PIK3R1: variants seen among roughly 807,000 people sequenced by gnomAD.
PIK3R1 encodes the protein phosphoinositide-3-kinase regulatory subunit 1.
Under a neutral mutation model 98.0 loss-of-function variants are expected in PIK3R1, and 29 were observed. The observed-to-expected ratio is 0.30, with a 90% CI of 0.22 to 0.40. The LOEUF is 0.40. Ranked by LOEUF, PIK3R1 falls within the 10% of genes least tolerant of loss-of-function variation. The probability of loss-of-function intolerance (pLI) is 1.00; values close to 1 mark genes in which losing one functional copy is unlikely to be tolerated. For missense variants in PIK3R1, 596 were observed against 872.7 expected (o/e 0.68, Z 3.99); for synonymous variants, 282 against 311.8 (o/e 0.90, Z 1.01).
chr5:68,281,244 G>C (rs1478045613), intron 7 of PIK3R1, among the ~76,000 whole-genome samples: 1 of 152,188 alleles, frequency 6.6e-6, no homozygotes, highest in African/African-American at 2.4e-5. Context: ...AGAGTTTGGA[G>C]AGTTCCCTGT....
chr5:68,251,263 C>T (rs1745295201), intron 2 of PIK3R1, among the ~76,000 whole-genome samples: 1 of 151,964 alleles, frequency 6.6e-6, no homozygotes, highest in Non-Finnish European at 1.5e-5. Flanking sequence ...TTAATAATGT[C>T]TGGTGGAAAC....
rs190335487 is a variant in PIK3R1, at chr5:68,278,988, G to A, written c.503-614G>A. Among the ~76,000 whole-genome samples, 649 of 152,034 alleles carry A rather than the reference G, an allele frequency of 4.3e-3. 7 individuals carry two copies. The highest frequency in any genetic ancestry group is 0.015 in the African/African-American group (608 of 41,358). On this transcript the variant is annotated intron_variant, in intron 4 of 15. Transcript: ENST00000521381. ...TCGTGGTTCTGGAGGCTAGAAGTCC[G>A]AGAAAAAAGCATGTTTGGTTTCCCC... is the stretch of plus-strand genomic sequence containing the variant.
intron 7 of PIK3R1, among the ~76,000 whole-genome samples, chr5:68,290,281 T>A (rs916234649): frequency 1.3e-5 from 2 of 152,202 alleles, no homozygotes; most frequent in Non-Finnish European, 2.9e-5. Context: ...TGTAAGATTT[T>A]TAAACCAAGG....
intron 2 of PIK3R1, among the ~76,000 whole-genome samples, chr5:68,266,089 C>T (rs1746112098): frequency 6.6e-6 from 1 of 152,142 alleles, no homozygotes; most frequent in Non-Finnish European, 1.5e-5. Context: ...GAGGTCCCAG[C>T]CTGGATCCAA....
At chr5:68,290,747 A>G in intron 7 of PIK3R1, 1 of 1,613,244 alleles carries the variant, frequency 6.2e-7, no homozygotes. Context: ...TACTGTTTGG[A>G]ATATGGAAGA....
rs1481771249 is a variant in PIK3R1 at position 68,279,709 on chromosome 5, A to G, written c.610A>G (p.Ser204Gly). Residue 204 changes from serine to glycine, a missense_variant, in exon 5 of 16, where the codon AGT (serine) becomes GGT (glycine). By Grantham distance (56) the Ser-to-Gly change is moderately conservative. Transcript: ENST00000521381. ...PNPVIPAAVYSEMISLAPEVQ... is the reference protein window; with the variant it reads ...PNPVIPAAVYGEMISLAPEVQ... ...TCCTGTCATTCCAGCAGCCGTTTAC[A>G]GTGAAATGATTTCTTTAGCTCCAGG... 6 of 1,614,062 alleles carry G rather than the reference A, an allele frequency of 3.7e-6. No homozygotes were observed. The highest frequency in any genetic ancestry group is 1.3e-5 in the African/African-American group (1 of 74,942).
At position 68,244,285 on chromosome 5, in the gene PIK3R1, T is replaced by C. The variant is rs540976644; in HGVS notation, c.334+17276T>C. Among the ~76,000 whole-genome samples, 7 of 152,264 alleles carry C rather than the reference T, an allele frequency of 4.6e-5. No individual in the cohort carries two copies. In the East Asian group the frequency reaches 1.2e-3, roughly 25 times the overall value. ...TTGAGTGACAGAAAATTCCTTTTATTTTTTTCCCCAGTGGGATTTAGCAAA... is the reference window on the plus strand; with the variant it reads ...TTGAGTGACAGAAAATTCCTTTTATCTTTTTCCCCAGTGGGATTTAGCAAA... On this transcript the variant is annotated intron_variant, in intron 2 of 15. Transcript: ENST00000521381.
chr5:68,243,247 T>C (rs1744937380), intron 2 of PIK3R1, among the ~76,000 whole-genome samples: 1 of 152,248 alleles, frequency 6.6e-6, no homozygotes, highest in Admixed American at 6.5e-5. Flanking sequence ...TTTTTGAACA[T>C]GTAAAATCTA....
intron 2 of PIK3R1, among the ~76,000 whole-genome samples, chr5:68,236,492 G>A (rs1005147970): frequency 6.7e-6 from 1 of 149,874 alleles, no homozygotes; most frequent in Non-Finnish European, 1.5e-5. Flanking sequence ...CTTGTGATCC[G>A]CCCACCTCGG....
At position 68,291,159 on chromosome 5, in the gene PIK3R1, C is replaced by T. The variant is rs1372739655; in HGVS notation, c.917-1100C>T. ...TATTGTCCCTGTAATTAAAATGATG[C>T]ATCTTTTGTGCTGCTTTTCTCTGTT... On this transcript the variant is annotated intron_variant, in intron 7 of 15. Transcript: ENST00000521381. 1.7e-5 allele frequency: 4 copies of T among 234,910 alleles called. 1 individual carries two copies. Among genetic ancestry groups the T allele is most frequent in the Non-Finnish European group, 3.3e-5 (4 of 120,878 alleles). The allele number at this position is 234,910 out of a possible 1,614,324, so 14.6% of individuals were successfully genotyped here.
intron 2 of PIK3R1, among the ~76,000 whole-genome samples, chr5:68,239,149 G>T (rs999966575): frequency 2.0e-5 from 3 of 152,140 alleles, no homozygotes; most frequent in Non-Finnish European, 4.4e-5. Flanking sequence ...TCACGTGGGA[G>T]TACCTAAAGG....
At chr5:68,286,670 T>C (rs1747089919) in intron 7 of PIK3R1, among the ~76,000 whole-genome samples, 1 of 152,246 alleles carries the variant, frequency 6.6e-6, no homozygotes. Flanking sequence ...GCAAAGTTTT[T>C]CCAATCTATT....
At chr5:68,278,072 C>G (rs1372453231) in intron 4 of PIK3R1, among the ~76,000 whole-genome samples, 4 of 152,014 alleles carry the variant, frequency 2.6e-5, no homozygotes, top group African/African-American at 4.8e-5. Flanking sequence ...GCCCCCAGAT[C>G]TTTGTTTCTA....
chr5:68,248,960 G>A (rs1047717713), intron 2 of PIK3R1, among the ~76,000 whole-genome samples: 2 of 152,198 alleles, frequency 1.3e-5, no homozygotes, highest in African/African-American at 4.8e-5. Context: ...ATACTGCTAT[G>A]GATGTCAGCG....
intron 2 of PIK3R1, among the ~76,000 whole-genome samples, chr5:68,236,242 T>G (rs1267245347): frequency 1.3e-5 from 2 of 150,574 alleles, no homozygotes; most frequent in African/African-American, 4.9e-5. Flanking sequence ...ATTATAACCT[T>G]TTTTTGTTTG....
chr5:68,274,065 C>G (rs1383842734), intron 4 of PIK3R1, 52 bp downstream of exon 4: 2 of 1,373,380 alleles, frequency 1.5e-6, no homozygotes, highest in Admixed American at 1.7e-5. Context: ...TCTTGGCTTT[C>G]TGTTTCAGGT....
At chr5:68,252,071 G>A (rs1745332593) in intron 2 of PIK3R1, among the ~76,000 whole-genome samples, 1 of 152,068 alleles carries the variant, frequency 6.6e-6, no homozygotes. Context: ...TCTCCCCCTT[G>A]AACTAAAGAG....
chr5:68,242,607 T>C (rs1464888354), intron 2 of PIK3R1, among the ~76,000 whole-genome samples: 1 of 152,096 alleles, frequency 6.6e-6, no homozygotes, highest in Non-Finnish European at 1.5e-5. Flanking sequence ...ATTCTACCCG[T>C]CTAAGGAGTT....
chr5:68,220,867 C>G lies in PIK3R1; in HGVS notation c.-387+4918C>G, dbSNP rs1221232904. On this transcript the variant is annotated intron_variant, in intron 1 of 15. Transcript: ENST00000521381. ...CATACCATAAAATTCACCCTAAATT[C>G]ATCATTTCAAATTGAAGGCAATTTA... Among the ~76,000 whole-genome samples the G allele has an allele frequency of 2.0e-5, 3 of 152,196 alleles. No homozygotes were observed. In the East Asian group the frequency reaches 5.8e-4, roughly 29 times the overall value.
Sources: gnomAD v4.1 joint callset for allele counts (sites outside exome capture counted in the v4.1 genomes callset) on GRCh38, gnomAD v4.1.1 for gene constraint, MANE v1.5 for transcripts, NCBI Gene and HGNC (gene_info 2026-07-23, HGNC 2026-07-21) for gene names.